Variants in ABCA12 observed in about 807,000 individuals in gnomAD.
The protein encoded by ABCA12 is ATP binding cassette subfamily A member 12.
In ABCA12, 156 loss-of-function variants were observed where a neutral mutation model predicts 293.5. That is an observed-to-expected ratio of 0.53 (90% CI 0.47 to 0.61). The LOEUF (loss-of-function observed/expected upper bound fraction) is 0.61. Ranked by LOEUF, ABCA12 falls within the 20% of genes least tolerant of loss-of-function variation. The pLI is 0.00. For missense variants in ABCA12, 2,797 were observed against 3,090.2 expected (o/e 0.91, Z 2.25); for synonymous variants, 1,063 against 1,108.0 (o/e 0.96, Z 0.81).
Position 215,011,984 on chromosome 2 carries a change from A to T in ABCA12, c.2108T>A (p.Val703Asp). The part of the protein sequence containing the change: ...SLKQMHLPRS[V>D]PLTQAMYRSN... ...TGACTTTGCTACCTGTGTTAATGGA[A>T]CACTTCTGGGCAGATGCATTTGCTT... Residue 703 changes from valine to aspartate, a missense_variant, in exon 16 of 53, where the codon GTT becomes GAT. Around this residue, in one of 3 missense-constraint regions of ABCA12, gnomAD observed 2,130 missense variants for 2,427.0 expected, o/e 0.88. Coordinates refer to ENST00000272895, the MANE Select transcript of ABCA12 (RefSeq NM_173076.3). 6.2e-7 allele frequency: 1 copy of T among 1,613,928 alleles called. No homozygotes were observed.
intron 36 of ABCA12, 147 bp downstream of exon 36, chr2:214,973,802 T>G: frequency 1.4e-6 from 1 of 720,080 alleles, no homozygotes; most frequent in South Asian, 1.6e-5. Context: ...TCAGTATTTT[T>G]TGAGCTGCCC....
chr2:214,965,558 A>T (rs574854770), intron 39 of ABCA12, among the ~76,000 whole-genome samples: 142 of 152,322 alleles, frequency 9.3e-4, no homozygotes, highest in African/African-American at 3.3e-3. Flanking sequence ...AAAACATTAA[A>T]AAGTGGGCAA....
rs866008748 is a variant in ABCA12 at position 215,048,895 on chromosome 2, T to C, written c.693+731A>G. Among the ~76,000 whole-genome samples, 5 of 152,260 alleles carry C rather than the reference T, an allele frequency of 3.3e-5. No homozygotes were observed. The Middle Eastern group carries it at 0.017, about 518-fold the overall frequency. ...GGAGGCCATTATCCTTAGCAAATTATGCAGGAACAGAAAACGAAATACTGC... is the reference window on the plus strand; with the variant it reads ...GGAGGCCATTATCCTTAGCAAATTACGCAGGAACAGAAAACGAAATACTGC... On this transcript the variant is annotated intron_variant, in intron 6 of 52. Transcript: ENST00000272895.
chr2:215,011,674 A>G lies in ABCA12; in HGVS notation c.2122-25T>C, dbSNP rs373983021. The G allele has an allele frequency of 1.1e-5, 17 of 1,605,876 alleles. No homozygotes were observed. The African/African-American group carries it at 1.7e-4, about 16-fold the overall frequency. ...CCTGTGAGACAAAAATCCACAATTT[A>G]TTGACACTATATGAGCTTTAGAAGC... On this transcript the variant is annotated intron_variant, in intron 16 of 52. Transcript: ENST00000272895.
intron 9 of ABCA12, among the ~76,000 whole-genome samples, chr2:215,028,492 T>G (rs906237312): frequency 6.6e-6 from 1 of 152,216 alleles, no homozygotes; most frequent in African/African-American, 2.4e-5. Context: ...CTCTTGGTAA[T>G]ACTATATTTG....
At chr2:215,091,167 C>T (rs1489048267) in intron 2 of ABCA12, among the ~76,000 whole-genome samples, 1 of 152,026 alleles carries the variant, frequency 6.6e-6, no homozygotes, top group East Asian at 1.9e-4. Flanking sequence ...AGTCTCCACC[C>T]CAAGCAGAGT....
At chr2:215,111,105 G>A (rs901706941) in intron 2 of ABCA12, among the ~76,000 whole-genome samples, 2 of 152,166 alleles carry the variant, frequency 1.3e-5, no homozygotes, top group African/African-American at 4.8e-5. Context: ...CTGAAAGAGC[G>A]CTAATTAGAT....
chr2:215,050,651 A>G, intron 5 of ABCA12: 1 of 339,424 alleles, frequency 2.9e-6, no homozygotes, highest in Non-Finnish European at 4.2e-6. Flanking sequence ...TGTGTATTAC[A>G]AAACCTACAT....
chr2:214,942,087 T>C (rs1295207010), intron 50 of ABCA12, among the ~76,000 whole-genome samples: 1 of 152,200 alleles, frequency 6.6e-6, no homozygotes, highest in Non-Finnish European at 1.5e-5. Context: ...TAAAGTTAAA[T>C]GCATTCTAAT....
Position 215,049,744 on chromosome 2 carries a change from A to G in ABCA12, c.575T>C (p.Ile192Thr). The G allele has an allele frequency of 1.2e-6, 2 of 1,613,710 alleles. No individual in the cohort carries two copies. Among genetic ancestry groups the G allele is most frequent in the African/African-American group, 1.3e-5 (1 of 75,026 alleles). Reference protein sequence around the residue: ...RELCDSYSGYIVDDAFSWTFL... With the variant: ...RELCDSYSGYTVDDAFSWTFL... ...GGTCCAAGAGAAGGCATCATCCACA[A>G]TGTATCCTGAATAGCTGTCACATAG... Residue 192 changes from isoleucine to threonine, a missense_variant, in exon 6 of 53, where the codon ATT becomes ACT. Physicochemically the swap from Ile to Thr is moderately conservative, Grantham distance 89. Transcript: ENST00000272895.
intron 2 of ABCA12, among the ~76,000 whole-genome samples, chr2:215,086,935 T>G (rs1490283971): frequency 6.6e-6 from 1 of 150,614 alleles, no homozygotes; most frequent in African/African-American, 2.5e-5. Context: ...ATTATTATTA[T>G]TATTATTATT....
intron 22 of ABCA12, 132 bp from the exon 23 acceptor site, chr2:214,997,941 G>A (rs1171054450): frequency 9.2e-6 from 6 of 648,830 alleles, no homozygotes; most frequent in East Asian, 2.8e-5. Flanking sequence ...GAAAATAATC[G>A]GTATTACCCC....
chr2:215,136,203 AC>A (rs1299523386), intron 1 of ABCA12, among the ~76,000 whole-genome samples: 2 of 152,206 alleles, frequency 1.3e-5, no homozygotes, highest in East Asian at 3.8e-4. Flanking sequence ...AAGTATAGTT[AC>A]CAGAGTTTAT....
intron 11 of ABCA12, chr2:215,022,090 T>A (rs1414287601): frequency 6.6e-6 from 1 of 152,080 alleles, no homozygotes; most frequent in African/African-American, 2.4e-5. Flanking sequence ...TCCAGGGAGT[T>A]TTTTGTGGTA....
intron 2 of ABCA12, among the ~76,000 whole-genome samples, chr2:215,096,891 T>C (rs1024476567): frequency 3.3e-5 from 5 of 152,166 alleles, no homozygotes; most frequent in African/African-American, 9.6e-5. Context: ...TCTAATTTTA[T>C]AGATTCAAAC....
chr2:215,118,958 T>C (rs979370194), intron 1 of ABCA12, among the ~76,000 whole-genome samples: 9 of 152,164 alleles, frequency 5.9e-5, no homozygotes, highest in Non-Finnish European at 1.2e-4. Flanking sequence ...CTTTAGGTTA[T>C]CTGTTTCCTC....
At chr2:214,970,762 GA>G in intron 36 of ABCA12, among the ~76,000 whole-genome samples, 1 of 151,954 alleles carries the variant, frequency 6.6e-6, no homozygotes, top group African/African-American at 2.4e-5. Context: ...CTCAAGGAAG[GA>G]AAAAAATATT....
Position 215,000,944 on chromosome 2 carries a change from G to A in ABCA12, c.2940C>T (p.Val980=). 6.2e-7 allele frequency: 1 copy of A among 1,613,998 alleles called. No individual in the cohort carries two copies. Among genetic ancestry groups the A allele is most frequent in the East Asian group, 2.2e-5 (1 of 44,880 alleles). ...GACTCATCCGGATGGTATATTTTATGACAGGAGGAAGAAAGACATTTCCAG... is the reference window on the plus strand; with the variant it reads ...GACTCATCCGGATGGTATATTTTATAACAGGAGGAAGAAAGACATTTCCAG... The part of the protein sequence containing the change: ...YDSGNVFLPP[V]IKYTIRMSLK... The change falls in exon 22 of 53, where the codon GTC becomes GTT. Residue 980 remains valine, a synonymous_variant. Transcript: ENST00000272895.
intron 2 of ABCA12, among the ~76,000 whole-genome samples, chr2:215,096,892 A>C (rs961785871): frequency 4.6e-5 from 7 of 152,152 alleles, no homozygotes; most frequent in African/African-American, 1.7e-4. Flanking sequence ...CTAATTTTAT[A>C]GATTCAAACT....
Sources: allele counts gnomAD v4.1 joint callset (sites outside exome capture counted in the v4.1 genomes callset), GRCh38; gene constraint gnomAD v4.1.1; regional missense constraint gnomAD v4.1.1; transcripts MANE v1.5; gene names NCBI Gene and HGNC (gene_info 2026-07-23, HGNC 2026-07-21).